Variants in TNS3 observed in about 807,000 individuals in gnomAD.
The protein encoded by TNS3 is tensin 3.
Under a neutral mutation model 140.9 loss-of-function variants are expected in TNS3, and 45 were observed. That is an observed-to-expected ratio of 0.32 (90% CI 0.25 to 0.41). The LOEUF is 0.41. Ranked by LOEUF, TNS3 falls within the 10% of genes least tolerant of loss-of-function variation. The probability of loss-of-function intolerance (pLI) is 1.00; values close to 1 mark genes in which losing one functional copy is unlikely to be tolerated. For missense variants in TNS3, 1,716 were observed against 1,906.7 expected, an observed-to-expected ratio of 0.90 and a Z score of 1.86; for synonymous variants, 815 against 788.4, an observed-to-expected ratio of 1.03 and a Z score of -0.56.
intron 20 of TNS3, among the ~76,000 whole-genome samples, chr7:47,338,092 A>C (rs984474194): frequency 1.7e-5 from 2 of 118,522 alleles, no homozygotes; most frequent in Non-Finnish European, 4.3e-5. Context: ...GAGGTACTAC[A>C]ATTTGTTTAA....
intron 10 of TNS3, 133 bp downstream of exon 10, chr7:47,423,966 TCA>T: frequency 1.1e-6 from 1 of 874,526 alleles, no homozygotes; most frequent in Non-Finnish European, 1.8e-6. Flanking sequence ...CCCACCACCT[TCA>T]CAGTCTTTGG....
At chr7:47,332,033 G>A (rs1788372151) in intron 20 of TNS3, among the ~76,000 whole-genome samples, 2 of 152,204 alleles carry the variant, frequency 1.3e-5, no homozygotes, top group African/African-American at 4.8e-5. Context: ...AGCCCTCTCA[G>A]TGACTCAAGA....
intron 4 of TNS3, among the ~76,000 whole-genome samples, chr7:47,443,782 G>A (rs571610216): frequency 1.6e-4 from 25 of 152,194 alleles, no homozygotes; most frequent in South Asian, 1.5e-3. Flanking sequence ...ATTAGCCTGC[G>A]TGGTGGCGCA....
In TNS3 at chr7:47,371,679, A is replaced by C. The variant is rs79006663; in HGVS notation, c.1025-2058T>G. ...CAAATTAAACAAAGGGAAAGACTGG[A>C]AAGACTGGACTAAACTATAAGGCAT... On this transcript the variant is annotated intron_variant, in intron 16 of 30. Transcript: ENST00000311160. Among the ~76,000 whole-genome samples, 14 of 150,466 alleles carry C rather than the reference A, an allele frequency of 9.3e-5. No homozygotes were observed. In the East Asian group the frequency reaches 2.3e-3, roughly 25 times the overall value.
intron 15 of TNS3, among the ~76,000 whole-genome samples, chr7:47,399,082 A>G (rs1793001000): frequency 4.0e-5 from 2 of 49,924 alleles, no homozygotes; most frequent in Non-Finnish European, 7.3e-5. Context: ...CGACAGCTGA[A>G]AAAAAAAAAA....
rs76421229 is a variant in TNS3, at chr7:47,471,748, G to A, written c.-76+9355C>T. The stretch of plus-strand genomic sequence containing the variant: ...CTTGCCCAGGAGCCACCTCCCCCTC[G>A]GGTGTCCACTGGGTACCAGCTCCTC... On this transcript the variant is annotated intron_variant, in intron 4 of 30. Coordinates refer to ENST00000311160, the MANE Select transcript of TNS3 (RefSeq NM_022748.12). Among the ~76,000 whole-genome samples the A allele has an allele frequency of 6.7e-3, 1,028 of 152,332 alleles. 18 individuals are homozygous for A. Among genetic ancestry groups the A allele is most frequent in the African/African-American group, 0.023 (950 of 41,588 alleles).
intron 20 of TNS3, among the ~76,000 whole-genome samples, chr7:47,335,491 G>C (rs1788581119): frequency 6.6e-6 from 1 of 152,166 alleles, no homozygotes; most frequent in Admixed American, 6.5e-5. Context: ...CATTTTCCTG[G>C]AGTAGGTGCT....
rs779285665 is a variant in TNS3, at chr7:47,368,709, C to A, written c.1937G>T (p.Gly646Val). 2.1e-5 allele frequency: 33 copies of A among 1,578,106 alleles called. No individual in the cohort carries two copies. The highest frequency in any genetic ancestry group is 1.4e-4 in the Admixed American group (8 of 57,406). ...AGGGGGATGTGGCCCACTGCCTACA[C>A]CCCTCTGGACAGCCACCCTACTGCT... ...GTSSRVAVQR[G>V]VGSGPHPPDT... is the part of the protein sequence containing the mutation. The change falls in exon 17 of 31, where the codon GGT becomes GTT. Residue 646 changes from glycine to valine, a missense_variant. Gly to Val is a moderately radical substitution (Grantham distance 109). This residue lies in a region of TNS3 where 1,163 missense variants were observed against 1,182.1 expected (regional missense o/e 0.98). Transcript: ENST00000311160.
At chr7:47,400,622 T>C (rs1793099881) in intron 14 of TNS3, among the ~76,000 whole-genome samples, 163 bp downstream of exon 14, 1 of 152,164 alleles carries the variant, frequency 6.6e-6, no homozygotes, top group Admixed American at 6.5e-5. Context: ...TTATCCATAA[T>C]TTTTTTCCCC....
intron 3 of TNS3, among the ~76,000 whole-genome samples, chr7:47,493,308 G>A (rs1266849996): frequency 6.6e-6 from 1 of 152,160 alleles, no homozygotes; most frequent in Non-Finnish European, 1.5e-5. Flanking sequence ...ACACTTCGGG[G>A]CACTCGGAGA....
At chr7:47,400,339 G>A in intron 15 of TNS3, 54 bp downstream of exon 15, 1 of 1,464,940 alleles carries the variant, frequency 6.8e-7, no homozygotes, top group Non-Finnish European at 9.6e-7. Context: ...TAGCCATCAT[G>A]CACCTTTCAC....
intron 2 of TNS3, among the ~76,000 whole-genome samples, chr7:47,515,727 A>G (rs1798758633): frequency 1.3e-5 from 2 of 152,136 alleles, no homozygotes; most frequent in Non-Finnish European, 2.9e-5. Flanking sequence ...CATCACCATC[A>G]TCGTTACCAT....
chr7:47,428,167 A>T, intron 9 of TNS3, 145 bp downstream of exon 9: 2 of 475,990 alleles, frequency 4.2e-6, no homozygotes, highest in Non-Finnish European at 6.9e-6. Flanking sequence ...GTTTCTAGGC[A>T]CTGACCAACC....
chr7:47,328,159 G>A (rs1292518762), intron 20 of TNS3, among the ~76,000 whole-genome samples: 2 of 151,984 alleles, frequency 1.3e-5, no homozygotes, highest in African/African-American at 2.4e-5. Flanking sequence ...GGCCTGTCCC[G>A]AGGGAGTCGT....
intron 1 of TNS3, among the ~76,000 whole-genome samples, chr7:47,544,426 AG>A (rs1225039527): frequency 2.6e-5 from 4 of 152,092 alleles, no homozygotes; most frequent in African/African-American, 9.7e-5. Context: ...CGATATTAGG[AG>A]GTGAGGCCTT....
Position 47,319,625 on chromosome 7 carries a change from TC to T in TNS3, c.2651-14623del, listed in dbSNP as rs368678911. The stretch of plus-strand genomic sequence containing the variant: ...CACATAAGGCCCAGGGGGAGAAACC[TC>T]CCCTGTAATCTCAGAAGTCTCTTAC... On this transcript the variant is annotated intron_variant, in intron 20 of 30. Transcript: ENST00000311160. Among the ~76,000 whole-genome samples the T allele has an allele frequency of 7.3e-4, 111 of 152,238 alleles. 1 individual carries two copies. Among genetic ancestry groups the T allele is most frequent in the African/African-American group, 2.6e-3 (106 of 41,530 alleles).
chr7:47,488,006 T>C (rs1304346703), intron 3 of TNS3, among the ~76,000 whole-genome samples: 1 of 151,726 alleles, frequency 6.6e-6, no homozygotes. Context: ...ACGATATAAT[T>C]GGGGGTTGGG....
chr7:47,307,844 T>C (rs1194702570), intron 20 of TNS3, among the ~76,000 whole-genome samples: 1 of 152,256 alleles, frequency 6.6e-6, no homozygotes, highest in Non-Finnish European at 1.5e-5. Context: ...ATATTTTAGA[T>C]GCAAGTCCCT....
At chr7:47,308,521 A>T (rs2150749888) in intron 20 of TNS3, among the ~76,000 whole-genome samples, 1 of 152,266 alleles carries the variant, frequency 6.6e-6, no homozygotes, top group African/African-American at 2.4e-5. Flanking sequence ...TTTTTGATTG[A>T]ATGCCAGACA....
Sources: gnomAD v4.1 joint callset for allele counts (sites outside exome capture counted in the v4.1 genomes callset) on GRCh38, gnomAD v4.1.1 for gene constraint, gnomAD v4.1.1 regional missense constraint, MANE v1.5 for transcripts, NCBI Gene and HGNC (gene_info 2026-07-23, HGNC 2026-07-21) for gene names.